The following ZNF704 variants were observed in gnomAD, a reference collection of about 807,000 sequenced individuals.
ZNF704 encodes the protein zinc finger protein 704.
A neutral mutation model predicts 44.7 loss-of-function variants in ZNF704; 10 were observed. The ratio of observed to expected loss-of-function variants is 0.22; its 90% CI spans 0.14 to 0.38. The LOEUF is 0.38. Ranked by LOEUF, ZNF704 falls within the 10% of genes least tolerant of loss-of-function variation. ZNF704 has a pLI of 1.00. For synonymous variants in ZNF704, 211 were observed against 207.6 expected (o/e 1.02, Z -0.14); for missense variants, 390 against 545.5 (o/e 0.71, Z 2.84).
At chr8:80,788,020 T>C (rs534260859) in intron 2 of ZNF704, among the ~76,000 whole-genome samples, 5 of 152,320 alleles carry the variant, frequency 3.3e-5, no homozygotes, top group South Asian at 2.1e-4. Flanking sequence ...TATTTGCAAA[T>C]TGCAAAATCA....
upstream of ZNF704, among the ~76,000 whole-genome samples, chr8:80,878,813 C>T (rs1205679848): frequency 6.6e-6 from 1 of 152,192 alleles, no homozygotes; most frequent in Non-Finnish European, 1.5e-5. Context: ...CCTTACAATA[C>T]CTCTCAAAGA....
intron 2 of ZNF704, among the ~76,000 whole-genome samples, chr8:80,818,397 G>C (rs1312933991): frequency 2.0e-5 from 3 of 151,956 alleles, no homozygotes; most frequent in Non-Finnish European, 2.9e-5. Flanking sequence ...TACCCATGGG[G>C]GTTGGTTCCA....
At chr8:80,674,207 G>T (rs761455969) in intron 4 of ZNF704, among the ~76,000 whole-genome samples, 1 of 152,212 alleles carries the variant, frequency 6.6e-6, no homozygotes, top group Non-Finnish European at 1.5e-5. Context: ...CACATGAAAT[G>T]TAAGATGCGC....
intron 2 of ZNF704, among the ~76,000 whole-genome samples, chr8:80,808,455 G>T (rs1247991005): frequency 6.6e-6 from 1 of 152,192 alleles, no homozygotes; most frequent in African/African-American, 2.4e-5. Context: ...TTTTCAAGTT[G>T]TAACTTTATT....
rs73262576 is a variant in ZNF704 at position 80,818,083 on chromosome 8, T to C, written c.221+3291A>G. Among the ~76,000 whole-genome samples the C allele has an allele frequency of 2.6e-3, 402 of 152,280 alleles. 2 individuals are homozygous for C. The highest frequency in any genetic ancestry group is 9.0e-3 in the African/African-American group (376 of 41,548). ...AGGTGGGAAGGGGTTCCCAGATCTC[T>C]CTAGTTACATGAAATAAGCGATTGA... On this transcript the variant is annotated intron_variant, in intron 2 of 8. Transcript: ENST00000327835.
At chr8:80,822,583 T>A (rs936875574) in intron 1 of ZNF704, among the ~76,000 whole-genome samples, 1 of 151,852 alleles carries the variant, frequency 6.6e-6, no homozygotes, top group Non-Finnish European at 1.5e-5. Flanking sequence ...GGCTGGGTCA[T>A]ATGGTATTTC....
chr8:80,683,618 C>G (rs893558995), intron 4 of ZNF704, among the ~76,000 whole-genome samples: 1 of 152,194 alleles, frequency 6.6e-6, no homozygotes, highest in Admixed American at 6.5e-5. Context: ...CAACCTTGGA[C>G]AGTTAACATA....
At chr8:80,753,762 C>T (rs1450990565) in intron 2 of ZNF704, among the ~76,000 whole-genome samples, 2 of 152,196 alleles carry the variant, frequency 1.3e-5, no homozygotes, top group African/African-American at 4.8e-5. Context: ...CTGGGGCTGT[C>T]AGCTTCCACA....
At chr8:80,686,298 T>C (rs1003930621) in intron 4 of ZNF704, among the ~76,000 whole-genome samples, 2 of 152,224 alleles carry the variant, frequency 1.3e-5, no homozygotes, top group African/African-American at 4.8e-5. Flanking sequence ...ACTTACCATA[T>C]AGGACTGCTG....
intron 4 of ZNF704, among the ~76,000 whole-genome samples, chr8:80,680,089 C>T (rs143880926): frequency 3.2e-4 from 48 of 152,186 alleles, no homozygotes; most frequent in African/African-American, 1.0e-3. Flanking sequence ...TTGGAATATA[C>T]GAAGTAGCTT....
chr8:80,814,657 C>T (rs1052698031), intron 2 of ZNF704, among the ~76,000 whole-genome samples: 1 of 152,128 alleles, frequency 6.6e-6, no homozygotes, highest in Non-Finnish European at 1.5e-5. Flanking sequence ...CATTTATATT[C>T]CCCTCAAAAT....
At chr8:80,660,017 G>A (rs1818074285) in intron 6 of ZNF704, among the ~76,000 whole-genome samples, 1 of 152,160 alleles carries the variant, frequency 6.6e-6, no homozygotes, top group South Asian at 2.1e-4. Flanking sequence ...AATACACCCT[G>A]CTATACTGTG....
intron 2 of ZNF704, among the ~76,000 whole-genome samples, chr8:80,765,457 G>C (rs940376779): frequency 1.3e-5 from 2 of 152,104 alleles, no homozygotes; most frequent in Non-Finnish European, 2.9e-5. Flanking sequence ...TCCACTCCTT[G>C]TCAACTTGGC....
At chr8:80,792,526 T>C (rs1807727667) in intron 2 of ZNF704, among the ~76,000 whole-genome samples, 1 of 152,180 alleles carries the variant, frequency 6.6e-6, no homozygotes, top group Admixed American at 6.5e-5. Context: ...GCAAAGGGAA[T>C]GTAGCCAAGT....
intron 7 of ZNF704, chr8:80,644,965 G>A (rs750151509): frequency 1.1e-5 from 13 of 1,150,296 alleles, no homozygotes; most frequent in African/African-American, 4.5e-5. Flanking sequence ...AGTGGGTGCC[G>A]GAACAGCAAG....
chr8:80,810,039 G>C (rs61224071), intron 2 of ZNF704, among the ~76,000 whole-genome samples: 2,230 of 152,158 alleles, frequency 0.015, 60 homozygotes, highest in African/African-American at 0.051. Context: ...CTTCTCTGTT[G>C]CTTTTGTACT....
intron 2 of ZNF704, among the ~76,000 whole-genome samples, chr8:80,807,139 T>A (rs1263494053): frequency 6.6e-6 from 1 of 152,192 alleles, no homozygotes; most frequent in Non-Finnish European, 1.5e-5. Context: ...TTCCTTTATT[T>A]ACAAGGATGG....
At chr8:80,846,315 T>A (rs1808766261) in intron 1 of ZNF704, among the ~76,000 whole-genome samples, 2 of 152,112 alleles carry the variant, frequency 1.3e-5, no homozygotes, top group African/African-American at 4.8e-5. Context: ...CCTTAAGACA[T>A]AATTGATATT....
chr8:80,877,580 G>A (rs1809371813), upstream of ZNF704, among the ~76,000 whole-genome samples: 1 of 152,152 alleles, frequency 6.6e-6, no homozygotes, highest in Non-Finnish European at 1.5e-5. Context: ...AAAACTGGGA[G>A]CGCTTGCCAC....
Sources: allele counts gnomAD v4.1 joint callset (sites outside exome capture counted in the v4.1 genomes callset), GRCh38; gene constraint gnomAD v4.1.1; transcripts MANE v1.5; gene names NCBI Gene and HGNC (gene_info 2026-07-23, HGNC 2026-07-21).